Variants in CCIN observed in about 807,000 individuals in gnomAD.
CCIN encodes the protein calicin.
In CCIN, 15 loss-of-function variants were observed where a neutral mutation model predicts 32.2. That is an observed-to-expected ratio of 0.47 (90% confidence interval 0.31 to 0.72). The LOEUF (loss-of-function observed/expected upper bound fraction) is 0.72. Among genes scored for constraint, CCIN ranks in the 30% least tolerant of loss-of-function variants. The pLI is 0.05. For synonymous variants in CCIN, 302 were observed against 297.4 expected (o/e 1.02, Z -0.16); for missense variants, 623 against 759.4 (o/e 0.82, Z 2.11).
chr9:36,169,547 G>T lies in CCIN; in HGVS notation c.45G>T (p.Leu15=), dbSNP rs374656543. The part of the protein sequence containing the change: ...FTEKNYNSFV[L]QNLNRQRKRK... ...AGAAAAACTACAATAGCTTCGTGCT[G>T]CAGAACCTGAACAGACAGAGGAAAC... The change falls in exon 1 of 1, where the codon CTG becomes CTT. Residue 15 remains leucine (L), a synonymous_variant. Coordinates refer to ENST00000335119, the MANE Select transcript of CCIN (RefSeq NM_005893.3). 42 of 1,614,224 alleles carry T rather than the reference G, an allele frequency of 2.6e-5. No individual in the cohort carries two copies. In the African/African-American group the frequency reaches 5.2e-4, roughly 20 times the overall value.
Position 36,169,682 on chromosome 9 carries a change from T to C in CCIN, c.180T>C (p.Asn60=). The C allele has an allele frequency of 6.2e-7, 1 of 1,614,162 alleles. No homozygotes were observed. The highest frequency in any genetic ancestry group is 8.5e-7 in the Non-Finnish European group (1 of 1,180,026). Residue 60 remains asparagine, a synonymous_variant, in exon 1 of 1, where the codon AAT becomes AAC. Transcript: ENST00000335119. ...TGGTGAGGAGCCTCATCTCCAGCAA[T>C]GACATGAAGACCGCTGATGAGCTTT... The part of the protein sequence containing the change: ...SPLVRSLISS[N]DMKTADELFI...
chr9:36,169,398 C>T lies in CCIN; in HGVS notation c.-105C>T, dbSNP rs148193972. The T allele has an allele frequency of 4.7e-4, 523 of 1,117,248 alleles. 5 individuals carry two copies. The African/African-American group carries it at 7.3e-3, about 16-fold the overall frequency. The allele number at this position is 1,117,248 out of a possible 1,614,324, so 69.2% of individuals were successfully genotyped here. On this transcript the variant is annotated 5_prime_UTR_variant, in exon 1 of 1. Transcript: ENST00000335119. ...ATCCTCTCTTCCACCCTCTCTTCTC[C>T]CTGGTCAACCGCTCTGCAAACAACC...
rs141340754 is a variant in CCIN, at chr9:36,170,292, C to T, written c.790C>T (p.Arg264Trp). 4.5e-5 allele frequency: 73 copies of T among 1,613,992 alleles called. No individual in the cohort carries two copies. The highest frequency in any genetic ancestry group is 5.8e-5 in the Non-Finnish European group (68 of 1,180,022). ...TGTCCTGATGGACCGCAAGCAGGAG[C>T]GGCCATGCAGCCTGCTGGTCTACCA... ...ESVLMDRKQE[R>W]PCSLLVYQRK... The change falls in exon 1 of 1, where the codon CGG becomes TGG. Residue 264 changes from arginine to tryptophan, a missense_variant. Arg to Trp is a moderately radical substitution (Grantham distance 101). Coordinates refer to ENST00000335119, the MANE Select transcript of CCIN (RefSeq NM_005893.3).
rs983883772 is a variant in CCIN, at chr9:36,171,067, T to C, written c.1565T>C (p.Ile522Thr). 7 of 1,614,078 alleles carry C rather than the reference T, an allele frequency of 4.3e-6. No individual in the cohort carries two copies. The highest frequency in any genetic ancestry group is 1.1e-5 in the South Asian group (1 of 91,094). The change falls in exon 1 of 1, where the codon ATT becomes ACT. Residue 522 changes from isoleucine (I) to threonine (T), a missense_variant. By Grantham distance (89) the Ile-to-Thr change is moderately conservative. Transcript: ENST00000335119. Reference sequence around the variant, plus strand: ...GATGTGTCCCATGCTATATGCTCCATTGGAGACAGCAAGGTGTTTGTATGT... The same window carrying C: ...GATGTGTCCCATGCTATATGCTCCACTGGAGACAGCAAGGTGTTTGTATGT... ...PLDVSHAICSIGDSKVFVCGG... is the reference protein window; with the variant it reads ...PLDVSHAICSTGDSKVFVCGG...
In CCIN at chr9:36,170,047, G is replaced by T; in HGVS notation, c.545G>T (p.Arg182Leu). ...FMRCPPVIFG[R>L]LLRDENLHVL... ...CGCTGTCCACCTGTTATCTTTGGCC[G>T]CCTGCTCCGTGATGAAAACCTTCAC... Residue 182 changes from arginine (R) to leucine (L), a missense_variant, in exon 1 of 1, where the codon CGC becomes CTC. Transcript: ENST00000335119. The T allele has an allele frequency of 6.2e-7, 1 of 1,614,070 alleles. No homozygotes were observed. The highest frequency in any genetic ancestry group is 8.5e-7 in the Non-Finnish European group (1 of 1,180,020).
At position 36,169,843 on chromosome 9, in the gene CCIN, C is replaced by G. The variant is rs766143056; in HGVS notation, c.341C>G (p.Pro114Arg). 3.4e-5 allele frequency: 55 copies of G among 1,614,164 alleles called. No individual in the cohort carries two copies. The South Asian group carries it at 5.2e-4, about 15-fold the overall frequency. Residue 114 changes from proline to arginine, a missense_variant, in exon 1 of 1, where the codon CCA becomes CGA. Pro to Arg is a moderately radical substitution (Grantham distance 103, BLOSUM62 -2). Coordinates refer to ENST00000335119, the MANE Select transcript of CCIN (RefSeq NM_005893.3). ...CGTGGGGCTCAGTATTTCAACACAC[C>G]ACGCCTTCGAGTTCACTGTAACGAC... ...LLRGAQYFNT[P>R]RLRVHCNDFL...
Position 36,170,350 on chromosome 9 carries a change from T to C in CCIN, c.848T>C (p.Ile283Thr), listed in dbSNP as rs754261080. 6.2e-7 allele frequency: 1 copy of C among 1,614,186 alleles called. No homozygotes were observed. Among genetic ancestry groups the C allele is most frequent in the South Asian group, 1.1e-5 (1 of 91,090 alleles). ...GGGGCCCTGCTTGATTCCGTGGTCA[T>C]CCTCGGTGGCCAGAAGGCCCACGGC... ...RKGALLDSVV[I>T]LGGQKAHGQF... is the part of the protein sequence containing the mutation. Residue 283 changes from isoleucine (I) to threonine (T), a missense_variant, in exon 1 of 1, where the codon ATC (isoleucine) becomes ACC (threonine). Physicochemically the swap from Ile to Thr is moderately conservative, Grantham distance 89 (BLOSUM62 -1). Coordinates refer to ENST00000335119, the MANE Select transcript of CCIN (RefSeq NM_005893.3).
Position 36,171,059 on chromosome 9 carries a change from A to G in CCIN, c.1557A>G (p.Ile519Met). ...NSCPLDVSHA[I>M]CSIGDSKVFV... is the part of the protein sequence containing the mutation. ...GCCCCTTGGATGTGTCCCATGCTAT[A>G]TGCTCCATTGGAGACAGCAAGGTGT... The change falls in exon 1 of 1, where the codon ATA becomes ATG. Residue 519 changes from isoleucine (I) to methionine (M), a missense_variant. Coordinates refer to ENST00000335119, the MANE Select transcript of CCIN (RefSeq NM_005893.3). 1.2e-6 allele frequency: 2 copies of G among 1,614,184 alleles called. No individual in the cohort carries two copies. Among genetic ancestry groups the G allele is most frequent in the East Asian group, 2.2e-5 (1 of 44,882 alleles).
chr9:36,170,313 T>G lies in CCIN; in HGVS notation c.811T>G (p.Tyr271Asp), dbSNP rs780854931. 2.1e-5 allele frequency: 34 copies of G among 1,614,176 alleles called. No homozygotes were observed. Among genetic ancestry groups the G allele is most frequent in the Non-Finnish European group, 2.8e-5 (33 of 1,180,038 alleles). The stretch of plus-strand genomic sequence containing the variant: ...GGAGCGGCCATGCAGCCTGCTGGTC[T>G]ACCAGCGGAAAGGGGCCCTGCTTGA... ...KQERPCSLLV[Y>D]QRKGALLDSV... Residue 271 changes from tyrosine to aspartate, a missense_variant, in exon 1 of 1, where the codon TAC becomes GAC. Coordinates refer to ENST00000335119, the MANE Select transcript of CCIN (RefSeq NM_005893.3).
In CCIN at chr9:36,171,307, T is replaced by G. The variant is rs1340107851; in HGVS notation, c.*38T>G. Reference sequence around the variant, plus strand: ...GGAGAATAAGTAAATGCATTATTATTCACGATTTAATGAGAGAAAGAGAGG... The same window carrying G: ...GGAGAATAAGTAAATGCATTATTATGCACGATTTAATGAGAGAAAGAGAGG... On this transcript the variant is annotated 3_prime_UTR_variant, in exon 1 of 1. Transcript: ENST00000335119. 1.3e-6 allele frequency: 2 copies of G among 1,593,420 alleles called. No individual in the cohort carries two copies. Among genetic ancestry groups the G allele is most frequent in the Non-Finnish European group, 1.7e-6 (2 of 1,170,304 alleles).
rs1302753731 is a variant in CCIN at position 36,171,116 on chromosome 9, T to C, written c.1614T>C (p.Asp538=). 6.2e-7 allele frequency: 1 copy of C among 1,614,198 alleles called. No individual in the cohort carries two copies. The highest frequency in any genetic ancestry group is 1.3e-5 in the African/African-American group (1 of 75,052). The change falls in exon 1 of 1, where the codon GAT becomes GAC. Residue 538 remains aspartate, a synonymous_variant. Transcript: ENST00000335119. ...FVCGGVTTAS[D]VQTKDYTINP... is the part of the protein sequence containing the mutation. ...GTGGGGGTGTCACCACTGCCAGCGATGTCCAGACAAAGGACTACACCATCA... is the reference window on the plus strand; with the variant it reads ...GTGGGGGTGTCACCACTGCCAGCGACGTCCAGACAAAGGACTACACCATCA...
In CCIN at chr9:36,170,707, T is replaced by A. The variant is rs1826302702; in HGVS notation, c.1205T>A (p.Val402Asp). Reference protein sequence around the residue: ...NIYRYDERKEVWCLAGKMSIP... With the variant: ...NIYRYDERKEDWCLAGKMSIP... ...TATCGCTATGATGAGCGGAAGGAAG[T>A]CTGGTGCCTGGCAGGAAAGATGAGC... Residue 402 changes from valine to aspartate, a missense_variant, in exon 1 of 1, where the codon GTC becomes GAC. Val to Asp is a radical substitution (Grantham distance 152, BLOSUM62 -3). Transcript: ENST00000335119. 4 of 1,614,226 alleles carry A rather than the reference T, an allele frequency of 2.5e-6. No homozygotes were observed. The highest frequency in any genetic ancestry group is 3.4e-6 in the Non-Finnish European group (4 of 1,180,044).
rs749035531 is a variant in CCIN, at chr9:36,170,321, G to A, written c.819G>A (p.Arg273=). The change falls in exon 1 of 1, where the codon CGG becomes CGA. Residue 273 remains arginine, a synonymous_variant. Coordinates refer to ENST00000335119, the MANE Select transcript of CCIN (RefSeq NM_005893.3). Reference sequence around the variant, plus strand: ...CATGCAGCCTGCTGGTCTACCAGCGGAAAGGGGCCCTGCTTGATTCCGTGG... The same window carrying A: ...CATGCAGCCTGCTGGTCTACCAGCGAAAAGGGGCCCTGCTTGATTCCGTGG... ...ERPCSLLVYQ[R]KGALLDSVVI... The A allele has an allele frequency of 1.2e-6, 2 of 1,614,184 alleles. No homozygotes were observed. Among genetic ancestry groups the A allele is most frequent in the South Asian group, 1.1e-5 (1 of 91,082 alleles).
rs765350319 is a variant in CCIN at position 36,171,044 on chromosome 9, T to C, written c.1542T>C (p.Asp514=). The C allele has an allele frequency of 1.9e-6, 3 of 1,614,104 alleles. No individual in the cohort carries two copies. The African/African-American group carries it at 4.0e-5, about 22-fold the overall frequency. The part of the protein sequence containing the change: ...VPVLPNSCPL[D]VSHAICSIGD... Reference sequence around the variant, plus strand: ...TCTTGCCCAACAGCTGCCCCTTGGATGTGTCCCATGCTATATGCTCCATTG... The same window carrying C: ...TCTTGCCCAACAGCTGCCCCTTGGACGTGTCCCATGCTATATGCTCCATTG... Residue 514 remains aspartate, a synonymous_variant, in exon 1 of 1, where the codon GAT becomes GAC. Transcript: ENST00000335119.
Position 36,170,225 on chromosome 9 carries a change from G to C in CCIN, c.723G>C (p.Val241=). Residue 241 remains valine, a synonymous_variant, in exon 1 of 1, where the codon GTG becomes GTC. Transcript: ENST00000335119. ...TGGTGTTTGCCAGCAACAAGCTGGT[G>C]GGCATGGAGAACACCTCATCCCATA... ...KTLVFASNKL[V]GMENTSSHTT... is the part of the protein sequence containing the mutation. 6.2e-7 allele frequency: 1 copy of C among 1,614,150 alleles called. No homozygotes were observed. Among genetic ancestry groups the C allele is most frequent in the South Asian group, 1.1e-5 (1 of 91,078 alleles).
rs1826282975 is a variant in CCIN, at chr9:36,169,773, AGCG to A, written c.274_276del (p.Gly92del). 6.2e-7 allele frequency: 1 copy of A among 1,614,012 alleles called. No homozygotes were observed. On this transcript the variant is annotated inframe_deletion, in exon 1 of 1. Transcript: ENST00000335119. ...GGACCAGCTTCTGGACTACTTCTAT[AGCG>A]GCAAGGTGGTGATCTCCGAGCAAAA...
In CCIN at chr9:36,169,420, A is replaced by G. The variant is rs575686847; in HGVS notation, c.-83A>G. The G allele has an allele frequency of 2.7e-5, 37 of 1,368,224 alleles. No individual in the cohort carries two copies. The East Asian group carries it at 8.1e-4, about 30-fold the overall frequency. The allele number at this position is 1,368,224 out of a possible 1,614,324, so 84.8% of individuals were successfully genotyped here. On this transcript the variant is annotated 5_prime_UTR_variant, in exon 1 of 1. Transcript: ENST00000335119. ...CTCCCTGGTCAACCGCTCTGCAAAC[A>G]ACCATCAATCTGATCCCACAGGCCT...
Position 36,169,600 on chromosome 9 carries a change from G to A in CCIN, c.98G>A (p.Ser33Asn). ...KRKEYWDMALSVDNHVFFAHR... is the reference protein window; with the variant it reads ...KRKEYWDMALNVDNHVFFAHR... ...AAAGAGTACTGGGACATGGCCCTGAGTGTGGACAACCACGTCTTCTTTGCA... is the reference window on the plus strand; with the variant it reads ...AAAGAGTACTGGGACATGGCCCTGAATGTGGACAACCACGTCTTCTTTGCA... Residue 33 changes from serine to asparagine, a missense_variant, in exon 1 of 1, where the codon AGT (serine) becomes AAT (asparagine). Ser to Asn is a conservative substitution (Grantham distance 46). Coordinates refer to ENST00000335119, the MANE Select transcript of CCIN (RefSeq NM_005893.3). 1 of 1,614,224 alleles carries A rather than the reference G, an allele frequency of 6.2e-7. No individual in the cohort carries two copies. Among genetic ancestry groups the A allele is most frequent in the African/African-American group, 1.3e-5 (1 of 75,050 alleles).
At position 36,170,412 on chromosome 9, in the gene CCIN, G is replaced by A. The variant is rs1485354636; in HGVS notation, c.910G>A (p.Glu304Lys). ...NDGVFAYIIQ[E>K]NLWMKLSDMP... ...TGGAGTGTTTGCTTATATCATCCAG[G>A]AGAACCTGTGGATGAAGCTCTCAGA... Residue 304 changes from glutamate (E) to lysine (K), a missense_variant, in exon 1 of 1, where the codon GAG (glutamate) becomes AAG (lysine). By Grantham distance (56) the Glu-to-Lys change is moderately conservative (BLOSUM62 1). Transcript: ENST00000335119. The A allele has an allele frequency of 1.9e-6, 3 of 1,613,958 alleles. No individual in the cohort carries two copies. Among genetic ancestry groups the A allele is most frequent in the East Asian group, 2.2e-5 (1 of 44,890 alleles).
Sources: allele counts gnomAD v4.1 joint callset, GRCh38; gene constraint gnomAD v4.1.1; transcripts MANE v1.5; gene names NCBI Gene and HGNC (gene_info 2026-07-23, HGNC 2026-07-21).